Variants in CNTNAP3 observed in about 807,000 individuals in gnomAD.
CNTNAP3 encodes the protein contactin-associated protein-like 3.
A neutral mutation model predicts 92.1 loss-of-function variants in CNTNAP3; 36 were observed. The observed-to-expected ratio is 0.39, with a 90% confidence interval of 0.30 to 0.52. The LOEUF (loss-of-function observed/expected upper bound fraction) is 0.52, where lower values mean the gene tolerates loss of function less well. Among genes scored for constraint, CNTNAP3 ranks in the 20% least tolerant of loss-of-function variants. The probability of loss-of-function intolerance (pLI) is 0.76; values close to 1 mark genes in which losing one functional copy is unlikely to be tolerated. For missense variants in CNTNAP3, 534 were observed against 1,069.6 expected, an observed-to-expected ratio of 0.50 and a Z score of 6.98; for synonymous variants, 232 against 422.3, an observed-to-expected ratio of 0.55 and a Z score of 5.53.
In CNTNAP3 at chr9:39,132,977, G is replaced by T. The variant is rs149597063; in HGVS notation, c.2035C>A (p.Arg679=). 79,428 of 1,542,922 alleles carry T rather than the reference G, an allele frequency of 0.051. 2,379 individuals are homozygous for T. Among genetic ancestry groups the T allele is most frequent in the Non-Finnish European group, 0.06 (69,631 of 1,153,746 alleles). Residue 679 remains arginine, a synonymous_variant, in exon 13 of 24, where the codon CGG becomes AGG. Coordinates refer to ENST00000297668, the MANE Select transcript of CNTNAP3 (RefSeq NM_033655.5). ...AVNLAERCEQ[R]LALRCGTARR... ...GCCGTCCCGCAGCGCAGAGCCAGCC[G>T]CTGCTCGCAGCGCTCCGCCAGGTTC...
chr9:39,099,959 T>C lies in CNTNAP3; in HGVS notation c.2947A>G (p.Thr983Ala), dbSNP rs749965137. Residue 983 changes from threonine (T) to alanine (A), a missense_variant, in exon 18 of 24, where the codon ACC (threonine) becomes GCC (alanine). Coordinates refer to ENST00000297668, the MANE Select transcript of CNTNAP3 (RefSeq NM_033655.5). ...TAGGCTGAGAAGGCACAGTCACAGG[T>C]GACCCCCCTGCGTTTCTCTCTGCAT... ...GRCREKRRGV[T>A]CDCAFSAYDG... 1.2e-6 allele frequency: 2 copies of C among 1,609,206 alleles called. No individual in the cohort carries two copies. The highest frequency in any genetic ancestry group is 2.2e-5 in the East Asian group (1 of 44,792).
At chr9:39,152,778 C>A in intron 9 of CNTNAP3, among the ~76,000 whole-genome samples, 1 of 135,726 alleles carries the variant, frequency 7.4e-6, no homozygotes, top group East Asian at 2.2e-4. Flanking sequence ...GCCTCAGCCT[C>A]CCGAGTGGCT....
intron 10 of CNTNAP3, among the ~76,000 whole-genome samples, chr9:39,147,805 CTTTA>C (rs1424836783): frequency 6.6e-6 from 1 of 152,132 alleles, no homozygotes; most frequent in Non-Finnish European, 1.5e-5. Context: ...TAGTTTTGTA[CTTTA>C]GGAGCTACAT....
At chr9:39,147,216 C>A (rs565278131) in intron 10 of CNTNAP3, among the ~76,000 whole-genome samples, 5 of 152,116 alleles carry the variant, frequency 3.3e-5, no homozygotes, top group Non-Finnish European at 7.4e-5. Flanking sequence ...ATTACCCAGT[C>A]TTGGGTATAT....
intron 16 of CNTNAP3, among the ~76,000 whole-genome samples, chr9:39,102,916 C>T (rs1467957865): frequency 1.3e-5 from 2 of 152,054 alleles, no homozygotes; most frequent in African/African-American, 4.8e-5. Context: ...CATATTTATC[C>T]TCAGAGTTCA....
At chr9:39,135,207 A>G (rs1239686183) in intron 12 of CNTNAP3, among the ~76,000 whole-genome samples, 1 of 152,176 alleles carries the variant, frequency 6.6e-6, no homozygotes, top group African/African-American at 2.4e-5. Context: ...ATTTATTTCA[A>G]TTGATTATAA....
intron 12 of CNTNAP3, among the ~76,000 whole-genome samples, chr9:39,140,234 G>A (rs912566099): frequency 4.7e-5 from 7 of 147,442 alleles, no homozygotes; most frequent in Non-Finnish European, 9.1e-5. Flanking sequence ...GTAAATTACC[G>A]AATCAGAGGT....
At position 39,115,115 on chromosome 9, in the gene CNTNAP3, A is replaced by G. The variant is rs1420046833; in HGVS notation, c.2237+2988T>C. ...CTGATCATAAACTTTTTTTTAAGTAATATGCTTTAGACGAGTTGCTGATTA... is the reference window on the plus strand; with the variant it reads ...CTGATCATAAACTTTTTTTTAAGTAGTATGCTTTAGACGAGTTGCTGATTA... On this transcript the variant is annotated intron_variant, in intron 14 of 23. Transcript: ENST00000297668. Among the ~76,000 whole-genome samples, 19 of 152,014 alleles carry G rather than the reference A, an allele frequency of 1.2e-4. No individual in the cohort carries two copies. The East Asian group carries it at 3.7e-3, about 29-fold the overall frequency.
chr9:39,141,359 T>C (rs1399476525), intron 11 of CNTNAP3, among the ~76,000 whole-genome samples: 1 of 152,158 alleles, frequency 6.6e-6, no homozygotes, highest in Non-Finnish European at 1.5e-5. Context: ...TTTAAAACAA[T>C]ATGAATGAGC....
intron 18 of CNTNAP3, among the ~76,000 whole-genome samples, chr9:39,095,781 G>T (rs1826311098): frequency 7.0e-6 from 1 of 143,218 alleles, no homozygotes. Flanking sequence ...TCAATAATCT[G>T]CTTCAGGTTT....
At chr9:39,106,814 G>T (rs1046673228) in intron 15 of CNTNAP3, among the ~76,000 whole-genome samples, 10 of 152,032 alleles carry the variant, frequency 6.6e-5, no homozygotes, top group Non-Finnish European at 1.3e-4. Flanking sequence ...AAATTTCCAG[G>T]GGTTATTACT....
intron 13 of CNTNAP3, among the ~76,000 whole-genome samples, chr9:39,122,288 G>C (rs188362114): frequency 2.6e-5 from 4 of 152,382 alleles, no homozygotes; most frequent in Non-Finnish European, 4.4e-5. Flanking sequence ...CCAGGAGGCG[G>C]AGCTTGCAGT....
intron 21 of CNTNAP3, among the ~76,000 whole-genome samples, chr9:39,081,258 C>CT (rs1470853699): frequency 6.6e-6 from 1 of 151,298 alleles, no homozygotes; most frequent in Non-Finnish European, 1.5e-5. Context: ...GAACTCAACT[C>CT]TTAACTGTGG....
chr9:39,084,220 A>G (rs1370772634), intron 21 of CNTNAP3, among the ~76,000 whole-genome samples: 3 of 96,372 alleles, frequency 3.1e-5, no homozygotes, highest in East Asian at 3.7e-4. Context: ...TTTTTTTGAG[A>G]CAGAGTCTCG....
chr9:39,106,264 T>G (rs1438432744), intron 15 of CNTNAP3, among the ~76,000 whole-genome samples: 9 of 152,190 alleles, frequency 5.9e-5, no homozygotes, highest in Non-Finnish European at 1.2e-4. Context: ...GAGAATATTT[T>G]ATTTTTCTTT....
chr9:39,099,889 C>G (rs1327733689), intron 18 of CNTNAP3, 22 bp downstream of exon 18: 1 of 1,608,168 alleles, frequency 6.2e-7, no homozygotes, highest in Admixed American at 1.7e-5. Context: ...TTCCCTATAA[C>G]CTGCTCCTTG....
At chr9:39,082,099 C>G (rs201894488) in intron 21 of CNTNAP3, among the ~76,000 whole-genome samples, 2 of 117,646 alleles carry the variant, frequency 1.7e-5, no homozygotes, top group African/African-American at 3.1e-5. Context: ...AAAAAAAAAA[C>G]AAAGAAACTC....
intron 18 of CNTNAP3, among the ~76,000 whole-genome samples, chr9:39,090,545 T>C (rs1391952318): frequency 6.6e-6 from 1 of 152,308 alleles, no homozygotes; most frequent in Non-Finnish European, 1.5e-5. Context: ...GCGAGGTATC[T>C]ATCTGGACTT....
chr9:39,109,465 T>C (rs140677988), intron 14 of CNTNAP3, among the ~76,000 whole-genome samples, 178 bp from the exon 15 acceptor site: 5,854 of 152,176 alleles, frequency 0.038, 160 homozygotes, highest in Non-Finnish European at 0.061. Context: ...TGGGCAAACA[T>C]TTTGTGTAAA....
Sources: allele counts gnomAD v4.1 joint callset (sites outside exome capture counted in the v4.1 genomes callset), GRCh38; gene constraint gnomAD v4.1.1; transcripts MANE v1.5; gene names NCBI Gene and HGNC (gene_info 2026-07-23, HGNC 2026-07-21).